The following FARP1 variants were observed in gnomAD, a reference collection of about 807,000 sequenced individuals.
FARP1 encodes the protein FERM, ARHGEF and pleckstrin domain-containing protein 1.
Under a neutral mutation model 128.8 loss-of-function variants are expected in FARP1, and 52 were observed. That is an observed-to-expected ratio of 0.40 (90% CI 0.32 to 0.51). FARP1 has a LOEUF of 0.51. Among genes scored for constraint, FARP1 ranks in the 20% least tolerant of loss-of-function variants. The pLI, the probability that FARP1 is intolerant of heterozygous loss-of-function variation, is 0.45. For synonymous variants in FARP1, 580 were observed against 551.8 expected (o/e 1.05, Z -0.72); for missense variants, 1,333 against 1,367.9 (o/e 0.97, Z 0.40).
At chr13:98,218,689 G>T (rs777788547) in intron 2 of FARP1, among the ~76,000 whole-genome samples, 1 of 152,128 alleles carries the variant, frequency 6.6e-6, no homozygotes, top group Non-Finnish European at 1.5e-5. Flanking sequence ...GTTGCGGGCC[G>T]CAGGAAATGT....
chr13:98,172,346 G>A (rs1473767328), intron 1 of FARP1, among the ~76,000 whole-genome samples: 1 of 151,994 alleles, frequency 6.6e-6, no homozygotes, highest in Non-Finnish European at 1.5e-5. Flanking sequence ...GGGTTGGCAC[G>A]GGGGCTGGGG....
At chr13:98,259,352 CGT>C (rs143802802) in intron 2 of FARP1, among the ~76,000 whole-genome samples, 187 of 150,404 alleles carry the variant, frequency 1.2e-3, no homozygotes, top group African/African-American at 4.0e-3. Flanking sequence ...CACATATATA[CGT>C]GTGTGTGTGT....
At chr13:98,278,292 A>ATG (rs61379815) in intron 2 of FARP1, among the ~76,000 whole-genome samples, 3 of 149,468 alleles carry the variant, frequency 2.0e-5, no homozygotes, top group African/African-American at 4.9e-5. Flanking sequence ...GTGTGTATGT[A>ATG]TGTGTGTGTG....
At position 98,351,088 on chromosome 13, in the gene FARP1, C is replaced by T. The variant is rs375925294; in HGVS notation, c.276+7222C>T. On this transcript the variant is annotated intron_variant, in intron 3 of 26. Transcript: ENST00000319562. ...GCCCAGCCTCGCCTCCCCACAGAAGCGATCCTGCCCTTGTTCCCCCTCCCC... is the reference window on the plus strand; with the variant it reads ...GCCCAGCCTCGCCTCCCCACAGAAGTGATCCTGCCCTTGTTCCCCCTCCCC... Among the ~76,000 whole-genome samples, 22 of 151,522 alleles carry T rather than the reference C, an allele frequency of 1.5e-4. No homozygotes were observed. The East Asian group carries it at 2.7e-3, about 19-fold the overall frequency.
At chr13:98,212,740 G>A (rs1054924497) in intron 1 of FARP1, among the ~76,000 whole-genome samples, 2 of 152,168 alleles carry the variant, frequency 1.3e-5, no homozygotes, top group African/African-American at 4.8e-5. Context: ...GTCTGCGAGT[G>A]TATGTCTATT....
intron 2 of FARP1, among the ~76,000 whole-genome samples, chr13:98,272,452 C>A (rs927604682): frequency 1.6e-4 from 25 of 152,080 alleles, no homozygotes; most frequent in African/African-American, 5.8e-4. Flanking sequence ...ATTTGGGAAC[C>A]CGTTCGTGAA....
At chr13:98,271,539 GTC>G (rs1436733204) in intron 2 of FARP1, among the ~76,000 whole-genome samples, 1 of 152,042 alleles carries the variant, frequency 6.6e-6, no homozygotes, top group Non-Finnish European at 1.5e-5. Context: ...TTAGGTATTT[GTC>G]CTAATGCTGT....
intron 1 of FARP1, among the ~76,000 whole-genome samples, chr13:98,186,634 T>C (rs9556902): frequency 6.6e-6 from 1 of 152,192 alleles, no homozygotes; most frequent in African/African-American, 2.4e-5. Context: ...TAATCCATTG[T>C]ATGTATATCC....
chr13:98,425,220 G>A (rs1255201354), intron 17 of FARP1, among the ~76,000 whole-genome samples: 3 of 151,784 alleles, frequency 2.0e-5, no homozygotes, highest in Non-Finnish European at 4.4e-5. Flanking sequence ...AAAAAAAGAT[G>A]TGGACAAACA....
At chr13:98,374,750 C>T (rs1014348237) in intron 5 of FARP1, among the ~76,000 whole-genome samples, 5 of 152,206 alleles carry the variant, frequency 3.3e-5, no homozygotes, top group Non-Finnish European at 7.3e-5. Context: ...TTATTTTGCT[C>T]ATGATTCTGG....
At chr13:98,296,535 T>A (rs1885704660) in intron 2 of FARP1, among the ~76,000 whole-genome samples, 1 of 151,446 alleles carries the variant, frequency 6.6e-6, no homozygotes, top group South Asian at 2.1e-4. Flanking sequence ...TTCATGCACA[T>A]CCTCCACTCC....
intron 16 of FARP1, among the ~76,000 whole-genome samples, chr13:98,414,619 A>G (rs2140127040): frequency 6.6e-6 from 1 of 152,324 alleles, no homozygotes; most frequent in Non-Finnish European, 1.5e-5. Context: ...AGAGTCTCTG[A>G]GGGGTAGAAC....
intron 2 of FARP1, among the ~76,000 whole-genome samples, chr13:98,270,969 C>G (rs887097437): frequency 6.6e-6 from 1 of 152,170 alleles, no homozygotes; most frequent in Admixed American, 6.5e-5. Flanking sequence ...ACATTGCTGT[C>G]CTCTGAATCA....
chr13:98,336,409 A>C lies in FARP1; in HGVS notation c.172-7353A>C, dbSNP rs1301589200. ...TTCATCCTCCCAAGTAGCTGGGACT[A>C]CAGGCACGCGCCACCACGCCCAGAT... On this transcript the variant is annotated intron_variant, in intron 2 of 26. Coordinates refer to ENST00000319562, the MANE Select transcript of FARP1 (RefSeq NM_005766.4). 2.6e-5 allele frequency among the ~76,000 whole-genome samples: 4 copies of C among 152,180 alleles called. No individual in the cohort carries two copies. In the East Asian group the frequency reaches 7.8e-4, roughly 30 times the overall value.
intron 2 of FARP1, among the ~76,000 whole-genome samples, chr13:98,308,033 CTTTTTTTTTTTTTT>C (rs10536692): frequency 1.2e-4 from 2 of 16,970 alleles, no homozygotes; most frequent in Admixed American, 1.8e-3. Context: ...CACTCTCTCT[CTTTTTTTTTTTTTT>C]TTTTTTTTTT....
rs140325644 is a variant in FARP1, at chr13:98,174,578, G to A, written c.-24+31086G>A. Among the ~76,000 whole-genome samples, 76 of 152,274 alleles carry A rather than the reference G, an allele frequency of 5.0e-4. 1 individual carries two copies. The East Asian group carries it at 0.014, about 29-fold the overall frequency. ...TAGGGGTAGGGCCCAGTAAGTCATTGTACACAAGCTTTGTGTTGTTAGCTT... is the reference window on the plus strand; with the variant it reads ...TAGGGGTAGGGCCCAGTAAGTCATTATACACAAGCTTTGTGTTGTTAGCTT... On this transcript the variant is annotated intron_variant, in intron 1 of 26. Coordinates refer to ENST00000319562, the MANE Select transcript of FARP1 (RefSeq NM_005766.4).
At chr13:98,193,683 A>G (rs1258501400) in intron 1 of FARP1, among the ~76,000 whole-genome samples, 1 of 152,238 alleles carries the variant, frequency 6.6e-6, no homozygotes, top group African/African-American at 2.4e-5. Flanking sequence ...TCCAGCCCCA[A>G]TTCCTGTCTA....
At chr13:98,270,763 G>A (rs1884350869) in intron 2 of FARP1, among the ~76,000 whole-genome samples, 1 of 152,182 alleles carries the variant, frequency 6.6e-6, no homozygotes, top group Admixed American at 6.5e-5. Context: ...TGAGAATTGG[G>A]ACAACTTAGA....
Position 98,384,807 on chromosome 13 carries a change from C to G in FARP1, c.574C>G (p.Leu192Val), listed in dbSNP as rs1890036048. 1.2e-6 allele frequency: 2 copies of G among 1,613,424 alleles called. No homozygotes were observed. Among genetic ancestry groups the G allele is most frequent in the Non-Finnish European group, 1.7e-6 (2 of 1,179,336 alleles). Residue 192 changes from leucine (L) to valine (V), a missense_variant, in exon 7 of 27, where the codon CTA becomes GTA. Coordinates refer to ENST00000319562, the MANE Select transcript of FARP1 (RefSeq NM_005766.4). ...KNKYIPQQDA[L>V]EDKIVEFHHN... ...TAAATACATACCTCAGCAAGACGCACTAGAGGACAAAATCGTGGAATTTCA... is the reference window on the plus strand; with the variant it reads ...TAAATACATACCTCAGCAAGACGCAGTAGAGGACAAAATCGTGGAATTTCA...
Sources: allele counts gnomAD v4.1 joint callset (sites outside exome capture counted in the v4.1 genomes callset), GRCh38; gene constraint gnomAD v4.1.1; transcripts MANE v1.5; gene names NCBI Gene and HGNC (gene_info 2026-07-23, HGNC 2026-07-21).